HEATR6: variants seen among roughly 807,000 people sequenced by gnomAD.
HEATR6 encodes the protein HEAT repeat-containing protein 6.
Under a neutral mutation model 132.8 loss-of-function variants are expected in HEATR6, and 106 were observed. That is an observed-to-expected ratio of 0.80 (90% CI 0.68 to 0.94). The LOEUF (loss-of-function observed/expected upper bound fraction) is 0.94. HEATR6 is among the 40% of genes least tolerant of loss of function. The pLI is 0.00. For synonymous variants in HEATR6, 529 were observed against 537.8 expected, an observed-to-expected ratio of 0.98 and a Z score of 0.23; for missense variants, 1,339 against 1,425.1, an observed-to-expected ratio of 0.94 and a Z score of 0.97.
intron 9 of HEATR6, among the ~76,000 whole-genome samples, chr17:60,061,615 G>A (rs2083211513): frequency 6.6e-6 from 1 of 152,224 alleles, no homozygotes; most frequent in Non-Finnish European, 1.5e-5. Context: ...AGGAATAAAC[G>A]TGGTTGCGTT....
rs1173778835 is a variant in HEATR6, at chr17:60,043,853, A to G, written c.3256T>C (p.Ser1086Pro). 3 of 1,614,072 alleles carry G rather than the reference A, an allele frequency of 1.9e-6. No homozygotes were observed. The highest frequency in any genetic ancestry group is 2.5e-6 in the Non-Finnish European group (3 of 1,180,048). The change falls in exon 20 of 20, where the codon TCG becomes CCG. Residue 1086 changes from serine (S) to proline (P), a missense_variant. Transcript: ENST00000184956. ...LIHLLSLASA[S>P]DLPCMKETLE... ...GTTTCTTTCATACAAGGGAGGTCCG[A>G]GGCACTGGCCAAGCTCAAGAGGTGA...
At chr17:60,045,948 A>G in intron 19 of HEATR6, 77 bp downstream of exon 19, 1 of 1,102,224 alleles carries the variant, frequency 9.1e-7, no homozygotes, top group Non-Finnish European at 1.3e-6. Context: ...ACATGTGACA[A>G]ACATCTTTAA....
chr17:60,063,545 C>G (rs1194199749), intron 9 of HEATR6: 1 of 152,196 alleles, frequency 6.6e-6, no homozygotes, highest in African/African-American at 2.4e-5. Flanking sequence ...ACAGCACTGC[C>G]AAATCCGAAT....
chr17:60,075,904 C>A, intron 2 of HEATR6: 1 of 319,256 alleles, frequency 3.1e-6, no homozygotes, highest in Non-Finnish European at 5.7e-6. Context: ...TTTACTGAAC[C>A]AAACAGAAAG....
In HEATR6 at chr17:60,042,377, C is replaced by A. The variant is rs796820698; in HGVS notation, c.*1186G>T. 1.6e-3 allele frequency among the ~76,000 whole-genome samples: 225 copies of A among 142,846 alleles called. No individual in the cohort carries two copies. Among genetic ancestry groups the A allele is most frequent in the African/African-American group, 6.1e-3 (213 of 35,136 alleles). 93.7% of individuals were successfully genotyped at this position (142,846 alleles called of 152,430 possible). On this transcript the variant is annotated 3_prime_UTR_variant, in exon 20 of 20. Coordinates refer to ENST00000184956, the MANE Select transcript of HEATR6 (RefSeq NM_022070.5). Reference sequence around the variant, plus strand: ...CCTTGCGTCCTGTGTGGCTGTGAGGCACTGTCAGCATCCTCGCGTCCTGTG... The same window carrying A: ...CCTTGCGTCCTGTGTGGCTGTGAGGAACTGTCAGCATCCTCGCGTCCTGTG...
chr17:60,066,505 T>C (rs905870069), intron 8 of HEATR6, 119 bp from the exon 9 acceptor site: 35 of 731,920 alleles, frequency 4.8e-5, no homozygotes, highest in Non-Finnish European at 7.1e-5. Flanking sequence ...AAATTAAACA[T>C]TCTAAATAAT....
Position 60,057,396 on chromosome 17 carries a change from A to T in HEATR6, c.1731T>A (p.Asn577Lys). 6.3e-7 allele frequency: 1 copy of T among 1,584,808 alleles called. No homozygotes were observed. Among genetic ancestry groups the T allele is most frequent in the Non-Finnish European group, 8.6e-7 (1 of 1,161,736 alleles). Reference sequence around the variant, plus strand: ...AGAGTGTGAGACTTGACACACGAACATTAACATCTGTCAAAGGAAGCAGTA... The same window carrying T: ...AGAGTGTGAGACTTGACACACGAACTTTAACATCTGTCAAAGGAAGCAGTA... ...IKPYIRHKDV[N>K]VRVSSLTLLG... The change falls in exon 12 of 20, where the codon AAT becomes AAA. Residue 577 changes from asparagine (N) to lysine (K), a missense_variant. Transcript: ENST00000184956.
intron 8 of HEATR6, among the ~76,000 whole-genome samples, chr17:60,066,691 G>A (rs942057270): frequency 1.3e-5 from 2 of 152,150 alleles, no homozygotes; most frequent in Non-Finnish European, 2.9e-5. Context: ...AAACACTGCC[G>A]AGTATCCATC....
chr17:60,041,719 A>G lies in HEATR6; in HGVS notation c.*1844T>C, dbSNP rs144483939. Among the ~76,000 whole-genome samples the G allele has an allele frequency of 1.3e-3, 198 of 152,324 alleles. 5 individuals are homozygous for G. In the South Asian group the frequency reaches 0.023, roughly 18 times the overall value. On this transcript the variant is annotated 3_prime_UTR_variant, in exon 20 of 20. Coordinates refer to ENST00000184956, the MANE Select transcript of HEATR6 (RefSeq NM_022070.5). ...GTGAACTTGAATACCCTGTTCCCCAATCACTGCCCAGAGAGCAGTTTCTGA... is the reference window on the plus strand; with the variant it reads ...GTGAACTTGAATACCCTGTTCCCCAGTCACTGCCCAGAGAGCAGTTTCTGA...
At position 60,042,491 on chromosome 17, in the gene HEATR6, T is replaced by C. The variant is rs28578463; in HGVS notation, c.*1072A>G. Among the ~76,000 whole-genome samples, 283 of 19,036 alleles carry C rather than the reference T, an allele frequency of 0.015. 67 individuals carry two copies. The African/African-American group carries it at 0.16, about 11-fold the overall frequency. 12.5% of individuals were successfully genotyped at this position (19,036 alleles called of 152,430 possible). ...CGCGTCCTGTGCGGCTGTGAGGCAC[T>C]GTCAGCATCCTCGCGTCCTGTGCGG... On this transcript the variant is annotated 3_prime_UTR_variant, in exon 20 of 20. Transcript: ENST00000184956.
At chr17:60,053,682 C>T (rs2145185770) in intron 14 of HEATR6, among the ~76,000 whole-genome samples, 1 of 152,318 alleles carries the variant, frequency 6.6e-6, no homozygotes, top group East Asian at 1.9e-4. Flanking sequence ...ACCTTTGTTA[C>T]ACCTTAGCAA....
intron 1 of HEATR6, among the ~76,000 whole-genome samples, chr17:60,078,049 C>G (rs1035111426): frequency 2.2e-4 from 33 of 152,202 alleles, no homozygotes; most frequent in African/African-American, 7.5e-4. Context: ...TCTTTAGGAA[C>G]TGTCTAGTTT....
chr17:60,046,438 T>A (rs923748378), intron 18 of HEATR6, among the ~76,000 whole-genome samples: 1 of 152,182 alleles, frequency 6.6e-6, no homozygotes, highest in Admixed American at 6.5e-5. Context: ...TTATTTATTT[T>A]ATTTAGTGCT....
intron 19 of HEATR6, among the ~76,000 whole-genome samples, chr17:60,045,258 G>T (rs2145177704): frequency 6.6e-6 from 1 of 152,322 alleles, no homozygotes; most frequent in African/African-American, 2.4e-5. Flanking sequence ...TGACTGGTCT[G>T]CCTGGACGCT....
chr17:60,078,445 G>C (rs1371220604), intron 1 of HEATR6, among the ~76,000 whole-genome samples: 1 of 151,368 alleles, frequency 6.6e-6, no homozygotes, highest in Non-Finnish European at 1.5e-5. Flanking sequence ...GTTGGTATCA[G>C]AGAGGAAACC....
intron 7 of HEATR6, among the ~76,000 whole-genome samples, chr17:60,068,913 C>T (rs2145198497): frequency 6.6e-6 from 1 of 152,268 alleles, no homozygotes; most frequent in East Asian, 1.9e-4. Context: ...TCCATCTTTG[C>T]CTTCTCCCTC....
At chr17:60,065,850 G>C (rs1263008845) in intron 9 of HEATR6, among the ~76,000 whole-genome samples, 1 of 152,162 alleles carries the variant, frequency 6.6e-6, no homozygotes, top group African/African-American at 2.4e-5. Context: ...ATTCTACTGA[G>C]TTGTTTAAGC....
In HEATR6 at chr17:60,061,820, C is replaced by T. The variant is rs186592244; in HGVS notation, c.1417-1724G>A. On this transcript the variant is annotated intron_variant, in intron 9 of 19. Coordinates refer to ENST00000184956, the MANE Select transcript of HEATR6 (RefSeq NM_022070.5). ...TGGCCAATCCCTACTAGAGGCTCGTCCGAACTCAACAAGATAGATCTTATG... is the reference window on the plus strand; with the variant it reads ...TGGCCAATCCCTACTAGAGGCTCGTTCGAACTCAACAAGATAGATCTTATG... 2.0e-3 allele frequency among the ~76,000 whole-genome samples: 312 copies of T among 152,364 alleles called. 1 individual carries two copies. The highest frequency in any genetic ancestry group is 5.1e-3 in the Admixed American group (78 of 15,302).
intron 12 of HEATR6, 68 bp from the exon 13 acceptor site, chr17:60,056,305 T>TA: frequency 6.8e-7 from 1 of 1,462,324 alleles, no homozygotes; most frequent in Non-Finnish European, 9.2e-7. Flanking sequence ...AGAAAAGTGT[T>TA]ACAATATTTC....
Sources: allele counts gnomAD v4.1 joint callset (sites outside exome capture counted in the v4.1 genomes callset), GRCh38; gene constraint gnomAD v4.1.1; transcripts MANE v1.5; gene names NCBI Gene and HGNC (gene_info 2026-07-23, HGNC 2026-07-21).